Variants in TDRD7 observed in about 807,000 individuals in gnomAD.
TDRD7 encodes the protein tudor domain-containing protein 7.
A neutral mutation model predicts 109.8 loss-of-function variants in TDRD7; 47 were observed. That is an observed-to-expected ratio of 0.43 (90% CI 0.34 to 0.55). The LOEUF is 0.55. Among genes scored for constraint, TDRD7 ranks in the 20% least tolerant of loss-of-function variants. TDRD7 has a pLI of 0.03. For missense variants in TDRD7, 1,164 were observed against 1,319.2 expected (o/e 0.88, Z 1.82); for synonymous variants, 424 against 457.3 (o/e 0.93, Z 0.93).
chr9:97,435,245 T>C (rs1432202043), intron 4 of TDRD7, among the ~76,000 whole-genome samples: 6 of 152,060 alleles, frequency 3.9e-5, no homozygotes, highest in Non-Finnish European at 7.4e-5. Context: ...ATTTTACTAT[T>C]AGGGGAAACA....
intron 4 of TDRD7, among the ~76,000 whole-genome samples, chr9:97,436,219 T>C (rs904800668): frequency 2.0e-5 from 3 of 152,216 alleles, no homozygotes; most frequent in African/African-American, 7.2e-5. Flanking sequence ...TGTTTTCTTC[T>C]AGAAGAATAT....
chr9:97,483,082 A>G lies in TDRD7; in HGVS notation c.2646A>G (p.Thr882=), dbSNP rs1829149135. ...NTGENFRKNL[T]DVIKKSMVDH... is the part of the protein sequence containing the mutation. ...GAGAGAATTTCAGAAAGAACCTCAC[A>G]GATGTCATCAAAAAGTCCATGGTGG... is the stretch of plus-strand genomic sequence containing the variant. Residue 882 remains threonine (T), a synonymous_variant, in exon 15 of 17, where the codon ACA becomes ACG. Transcript: ENST00000355295. 6.2e-7 allele frequency: 1 copy of G among 1,614,200 alleles called. No homozygotes were observed. Among genetic ancestry groups the G allele is most frequent in the Non-Finnish European group, 8.5e-7 (1 of 1,180,024 alleles).
chr9:97,483,126 CCA>C lies in TDRD7; in HGVS notation c.2693_2694del (p.Thr898ArgfsTer39). 1 of 1,614,130 alleles carries C rather than the reference CCA, an allele frequency of 6.2e-7. No individual in the cohort carries two copies. The highest frequency in any genetic ancestry group is 8.5e-7 in the Non-Finnish European group (1 of 1,180,024). The stretch of plus-strand genomic sequence containing the variant: ...ATGGTGGACCATACGAGCGCTTTCT[CCA>C]CAGAGGAACTGCCACCTCCTGTCCA... On this transcript the variant is annotated frameshift_variant, in exon 15 of 17. Coordinates refer to ENST00000355295, the MANE Select transcript of TDRD7 (RefSeq NM_014290.3). LOFTEE classifies it high-confidence loss of function.
chr9:97,443,641 T>C (rs1828350526), intron 6 of TDRD7, among the ~76,000 whole-genome samples: 1 of 152,232 alleles, frequency 6.6e-6, no homozygotes, highest in African/African-American at 2.4e-5. Flanking sequence ...AGTTTGAAGG[T>C]TCAGGGCCTG....
intron 15 of TDRD7, among the ~76,000 whole-genome samples, chr9:97,486,774 A>G (rs968222294): frequency 1.3e-5 from 2 of 152,110 alleles, no homozygotes; most frequent in Admixed American, 6.6e-5. Context: ...CCATCGTCCA[A>G]GCATGTACCA....
At chr9:97,471,429 A>T (rs906955174) in intron 9 of TDRD7, among the ~76,000 whole-genome samples, 6 of 152,214 alleles carry the variant, frequency 3.9e-5, no homozygotes, top group Non-Finnish European at 8.8e-5. Flanking sequence ...AAGAAATTTT[A>T]AAAACTTGTT....
At chr9:97,441,962 C>A in intron 6 of TDRD7, 87 bp downstream of exon 6, 2 of 1,120,794 alleles carry the variant, frequency 1.8e-6, no homozygotes, top group East Asian at 2.4e-5. Context: ...ACCTTTTATC[C>A]CCAGAAGACA....
chr9:97,450,219 G>T (rs1828467377), intron 6 of TDRD7, among the ~76,000 whole-genome samples: 1 of 152,140 alleles, frequency 6.6e-6, no homozygotes, highest in Non-Finnish European at 1.5e-5. Context: ...CTAGTTCCCA[G>T]TCGTTGGACT....
At chr9:97,467,998 AT>A (rs1828846728) in intron 8 of TDRD7, among the ~76,000 whole-genome samples, 1 of 152,246 alleles carries the variant, frequency 6.6e-6, no homozygotes, top group Non-Finnish European at 1.5e-5. Context: ...TATTGGTGCC[AT>A]TTGTTGAAAT....
At chr9:97,463,345 A>G (rs1828761853) in intron 7 of TDRD7, among the ~76,000 whole-genome samples, 1 of 148,472 alleles carries the variant, frequency 6.7e-6, no homozygotes, top group Non-Finnish European at 1.5e-5. Context: ...GCCATTGCAC[A>G]TGGTTTCCAT....
intron 7 of TDRD7, 152 bp downstream of exon 7, chr9:97,460,916 C>T (rs768330760): frequency 8.4e-5 from 61 of 722,318 alleles, no homozygotes; most frequent in Non-Finnish European, 1.1e-4. Context: ...CCGAGGTGGG[C>T]GGATCACAAG....
rs999812480 is a variant in TDRD7, at chr9:97,450,634, T to C, written c.855+8759T>C. Reference sequence around the variant, plus strand: ...AGAATGGACACCACACTGTCCATTATAGCAATTCTTTATCTTTAGCAAGGT... The same window carrying C: ...AGAATGGACACCACACTGTCCATTACAGCAATTCTTTATCTTTAGCAAGGT... On this transcript the variant is annotated intron_variant, in intron 6 of 16. Transcript: ENST00000355295. Among the ~76,000 whole-genome samples the C allele has an allele frequency of 3.3e-5, 5 of 151,566 alleles. No individual in the cohort carries two copies. In the East Asian group the frequency reaches 1.0e-3, roughly 31 times the overall value.
intron 7 of TDRD7, among the ~76,000 whole-genome samples, chr9:97,462,687 C>G (rs757400461): frequency 1.3e-5 from 2 of 152,176 alleles, no homozygotes; most frequent in South Asian, 2.1e-4. Context: ...TTCTTTGCCC[C>G]CCTTGCTCAG....
intron 8 of TDRD7, among the ~76,000 whole-genome samples, chr9:97,469,405 C>T (rs756014919): frequency 3.9e-5 from 6 of 152,296 alleles, no homozygotes; most frequent in East Asian, 1.9e-4. Flanking sequence ...CCCACAGGCC[C>T]GCTTATCACA....
At position 97,426,914 on chromosome 9, in the gene TDRD7, G is replaced by A. The variant is rs191725499; in HGVS notation, c.-6-1546G>A. Among the ~76,000 whole-genome samples the A allele has an allele frequency of 8.1e-4, 124 of 152,314 alleles. 1 individual carries two copies. The highest frequency in any genetic ancestry group is 2.9e-3 in the African/African-American group (122 of 41,564). ...TTTTGTGTTTTCTAAGCCAGAGAAAGAAAATGGCTATTTGTCTAGAATTCT... is the reference window on the plus strand; with the variant it reads ...TTTTGTGTTTTCTAAGCCAGAGAAAAAAAATGGCTATTTGTCTAGAATTCT... On this transcript the variant is annotated intron_variant, in intron 1 of 16. Transcript: ENST00000355295.
intron 1 of TDRD7, among the ~76,000 whole-genome samples, chr9:97,416,642 G>A (rs943285681): frequency 1.3e-5 from 2 of 152,168 alleles, no homozygotes; most frequent in Non-Finnish European, 2.9e-5. Context: ...ACAGTTTGGT[G>A]TTGCGATTGG....
chr9:97,444,509 A>G (rs1287213068), intron 6 of TDRD7, among the ~76,000 whole-genome samples: 1 of 152,202 alleles, frequency 6.6e-6, no homozygotes, highest in African/African-American at 2.4e-5. Context: ...TCTTCTTTTC[A>G]CCTTGCTGCA....
chr9:97,421,761 A>G (rs924275344), intron 1 of TDRD7, among the ~76,000 whole-genome samples: 8 of 148,052 alleles, frequency 5.4e-5, no homozygotes, highest in East Asian at 4.0e-4. Context: ...GAGTCTCACT[A>G]TGTTGCCCAG....
intron 8 of TDRD7, among the ~76,000 whole-genome samples, chr9:97,468,310 G>T (rs1828852946): frequency 6.6e-6 from 1 of 152,224 alleles, no homozygotes; most frequent in Admixed American, 6.5e-5. Context: ...TGTAAAGATG[G>T]CCAAAGAAGA....
Sources: allele counts gnomAD v4.1 joint callset (sites outside exome capture counted in the v4.1 genomes callset), GRCh38; gene constraint gnomAD v4.1.1; transcripts MANE v1.5; gene names NCBI Gene and HGNC (gene_info 2026-07-23, HGNC 2026-07-21).